The following ANKRD13C variants were observed in gnomAD, a reference collection of about 807,000 sequenced individuals.
ANKRD13C encodes the protein ankyrin repeat domain 13C, also known as ankyrin repeat domain-containing protein 13C.
Under a neutral mutation model 65.5 loss-of-function variants are expected in ANKRD13C, and 16 were observed. The observed-to-expected ratio is 0.24, with a 90% confidence interval of 0.17 to 0.37. ANKRD13C has a LOEUF of 0.37. Ranked by LOEUF, ANKRD13C falls within the 10% of genes least tolerant of loss-of-function variation. The pLI, the probability that ANKRD13C is intolerant of heterozygous loss-of-function variation, is 1.00. For missense variants in ANKRD13C, 503 were observed against 655.9 expected (o/e 0.77, Z 2.55); for synonymous variants, 235 against 238.7 (o/e 0.98, Z 0.14).
intron 9 of ANKRD13C, among the ~76,000 whole-genome samples, chr1:70,286,292 G>T (rs985756630): frequency 1.3e-5 from 2 of 151,766 alleles, no homozygotes; most frequent in African/African-American, 2.4e-5. Flanking sequence ...GCAATTCTTC[G>T]ATTCCTCCTT....
chr1:70,270,073 AAAGATCATTGCTT>A lies in ANKRD13C; in HGVS notation c.1495+770_1495+782del, dbSNP rs1678811873. 2.6e-5 allele frequency among the ~76,000 whole-genome samples: 4 copies of A among 152,212 alleles called. No homozygotes were observed. In the South Asian group the frequency reaches 8.3e-4, roughly 32 times the overall value. ...ATGCAAAAATGAGTGTACTATTTCTAAAGATCATTGCTTAAGATGAAATTAAACATTTAGGGCT... is the reference window on the plus strand; with the variant it reads ...ATGCAAAAATGAGTGTACTATTTCTAAAGATGAAATTAAACATTTAGGGCT... On this transcript the variant is annotated intron_variant, in intron 12 of 12. Coordinates refer to ENST00000370944, the MANE Select transcript of ANKRD13C (RefSeq NM_030816.5).
chr1:70,284,230 A>T (rs1407798399), intron 9 of ANKRD13C, among the ~76,000 whole-genome samples: 7 of 152,160 alleles, frequency 4.6e-5, no homozygotes, highest in African/African-American at 1.7e-4. Context: ...CTATTTATTT[A>T]TAATAAAGCA....
rs146433119 is a variant in ANKRD13C, at chr1:70,272,786, T to G, written c.1395-1830A>C. 8.8e-3 allele frequency among the ~76,000 whole-genome samples: 1,329 copies of G among 151,664 alleles called. 11 individuals are homozygous for G. Among genetic ancestry groups the G allele is most frequent in the Non-Finnish European group, 0.014 (934 of 67,908 alleles). On this transcript the variant is annotated intron_variant, in intron 11 of 12. Coordinates refer to ENST00000370944, the MANE Select transcript of ANKRD13C (RefSeq NM_030816.5). ...GACAGATCACCTGAGGTCAGGAGTT[T>G]GAGACCAGCCTGGCCAACATGGTGA...
intron 9 of ANKRD13C, among the ~76,000 whole-genome samples, chr1:70,280,378 G>C (rs1235390001): frequency 1.3e-5 from 2 of 152,190 alleles, no homozygotes; most frequent in Non-Finnish European, 2.9e-5. Flanking sequence ...AGAATGGTGA[G>C]AGAAAGCATG....
chr1:70,313,688 T>C (rs1680946027), intron 5 of ANKRD13C, 57 bp downstream of exon 5: 1 of 1,297,892 alleles, frequency 7.7e-7, no homozygotes, highest in African/African-American at 1.5e-5. Flanking sequence ...TAGGTATTTT[T>C]GTACTTGCAT....
intron 1 of ANKRD13C, among the ~76,000 whole-genome samples, chr1:70,337,440 C>T (rs867525210): frequency 6.6e-6 from 1 of 151,786 alleles, no homozygotes. Flanking sequence ...ATTAACCAGG[C>T]GTGGTGGCAC....
intron 5 of ANKRD13C, among the ~76,000 whole-genome samples, chr1:70,308,548 G>A (rs1680689235): frequency 6.6e-6 from 1 of 151,980 alleles, no homozygotes; most frequent in African/African-American, 2.4e-5. Context: ...GACGGTCCTG[G>A]CTAACACGGT....
At chr1:70,263,658 C>T (rs541764498) in intron 12 of ANKRD13C, among the ~76,000 whole-genome samples, 1 of 152,212 alleles carries the variant, frequency 6.6e-6, no homozygotes, top group East Asian at 1.9e-4. Context: ...TCCCTTAAAA[C>T]TCTGAAATGA....
At chr1:70,291,030 TG>T (rs768764115) in intron 9 of ANKRD13C, among the ~76,000 whole-genome samples, 1 of 151,468 alleles carries the variant, frequency 6.6e-6, no homozygotes, top group South Asian at 2.1e-4. Flanking sequence ...CATTAACATC[TG>T]GGAAATTTTT....
chr1:70,348,513 C>T (rs1008752264), intron 1 of ANKRD13C, among the ~76,000 whole-genome samples: 8 of 152,160 alleles, frequency 5.3e-5, no homozygotes, highest in African/African-American at 1.2e-4. Context: ...GTGATCCACC[C>T]GCCTTGGCCT....
intron 1 of ANKRD13C, among the ~76,000 whole-genome samples, chr1:70,345,729 G>A (rs1682501681): frequency 1.3e-5 from 2 of 152,316 alleles, no homozygotes; most frequent in Middle Eastern, 3.4e-3. Flanking sequence ...CCATGGTAGA[G>A]ATAAGTTCTT....
intron 2 of ANKRD13C, among the ~76,000 whole-genome samples, chr1:70,330,990 G>A (rs1020828817): frequency 1.3e-5 from 2 of 151,934 alleles, no homozygotes; most frequent in African/African-American, 4.8e-5. Flanking sequence ...CAGAAATTCA[G>A]AAAAAAATCA....
chr1:70,267,342 C>T (rs1256942576), intron 12 of ANKRD13C, among the ~76,000 whole-genome samples: 1 of 152,102 alleles, frequency 6.6e-6, no homozygotes, highest in Non-Finnish European at 1.5e-5. Context: ...CTGAAAATAG[C>T]AGACAATTGG....
At chr1:70,324,980 T>C (rs1431418904) in intron 2 of ANKRD13C, 23 bp from the exon 3 acceptor site, 1 of 1,523,008 alleles carries the variant, frequency 6.6e-7, no homozygotes, top group East Asian at 2.3e-5. Context: ...GTAGTAATAA[T>C]ATCAAACATC....
intron 2 of ANKRD13C, among the ~76,000 whole-genome samples, chr1:70,326,967 T>C (rs949738486): frequency 6.6e-6 from 1 of 150,852 alleles, no homozygotes; most frequent in South Asian, 2.1e-4. Flanking sequence ...ACCTAATAAA[T>C]GTAGAAGAAA....
chr1:70,297,456 G>A (rs978219081), intron 7 of ANKRD13C, among the ~76,000 whole-genome samples: 2 of 150,046 alleles, frequency 1.3e-5, no homozygotes, highest in African/African-American at 4.9e-5. Flanking sequence ...CCCATGCCCG[G>A]CTAATTTTTT....
At chr1:70,300,712 T>A in intron 7 of ANKRD13C, 52 bp downstream of exon 7, 1 of 1,476,180 alleles carries the variant, frequency 6.8e-7, no homozygotes, top group South Asian at 1.4e-5. Flanking sequence ...GCTAAAAACC[T>A]ATACTTTTTT....
intron 3 of ANKRD13C, among the ~76,000 whole-genome samples, chr1:70,316,538 T>A (rs1039122044): frequency 6.8e-6 from 1 of 146,916 alleles, no homozygotes; most frequent in African/African-American, 2.5e-5. Flanking sequence ...AAAAAAAAAA[T>A]TAGCCAGGGC....
chr1:70,280,341 G>T (rs546331217), intron 9 of ANKRD13C, among the ~76,000 whole-genome samples: 13 of 152,242 alleles, frequency 8.5e-5, no homozygotes, highest in African/African-American at 2.9e-4. Context: ...AAGAACAAAA[G>T]AACTGGTTGA....
Sources: allele counts gnomAD v4.1 joint callset (sites outside exome capture counted in the v4.1 genomes callset), GRCh38; gene constraint gnomAD v4.1.1; transcripts MANE v1.5; gene names NCBI Gene and HGNC (gene_info 2026-07-23, HGNC 2026-07-21).